The following ZRANB3 variants were observed in gnomAD, a reference collection of about 807,000 sequenced individuals.
ZRANB3 encodes zinc finger RANBP2-type containing 3, also known as DNA annealing helicase and endonuclease ZRANB3.
Under a neutral mutation model 133.8 loss-of-function variants are expected in ZRANB3, and 125 were observed. That is an observed-to-expected ratio of 0.93 (90% CI 0.81 to 1.08). ZRANB3 has a LOEUF of 1.08. ZRANB3 is among the 50% of genes least tolerant of loss of function. The probability of loss-of-function intolerance (pLI) is 0.00; values close to 1 mark genes in which losing one functional copy is unlikely to be tolerated. For synonymous variants in ZRANB3, 387 were observed against 432.7 expected, an observed-to-expected ratio of 0.89 and a Z score of 1.31; for missense variants, 1,229 against 1,275.5, an observed-to-expected ratio of 0.96 and a Z score of 0.56.
chr2:135,464,937 G>C (rs1451323275), intron 2 of ZRANB3, among the ~76,000 whole-genome samples: 1 of 152,206 alleles, frequency 6.6e-6, no homozygotes, highest in Non-Finnish European at 1.5e-5. Flanking sequence ...TTGTTAGTCT[G>C]GGCAGGCAGG....
intron 18 of ZRANB3, 89 bp downstream of exon 18, chr2:135,208,779 C>T: frequency 3.4e-6 from 4 of 1,189,728 alleles, no homozygotes; most frequent in Non-Finnish European, 4.8e-6. Flanking sequence ...AGTGGTCATG[C>T]AAAGGTGAGA....
At chr2:135,413,885 A>C (rs1688430015) in intron 2 of ZRANB3, among the ~76,000 whole-genome samples, 1 of 152,094 alleles carries the variant, frequency 6.6e-6, no homozygotes, top group African/African-American at 2.4e-5. Context: ...GAAATAAAAT[A>C]CTTTACAGAC....
intron 2 of ZRANB3, among the ~76,000 whole-genome samples, chr2:135,458,163 C>T (rs1690608688): frequency 6.6e-6 from 1 of 152,078 alleles, no homozygotes; most frequent in Admixed American, 6.5e-5. Context: ...GTTCTCTCCC[C>T]CAATGAGTAA....
intron 12 of ZRANB3, among the ~76,000 whole-genome samples, chr2:135,247,757 G>A (rs1200347815): frequency 6.6e-6 from 1 of 152,108 alleles, no homozygotes; most frequent in East Asian, 1.9e-4. Context: ...ACCTCCCTAG[G>A]AAAGGAGGTC....
intron 2 of ZRANB3, among the ~76,000 whole-genome samples, chr2:135,439,531 C>T (rs1689689403): frequency 6.6e-6 from 1 of 152,154 alleles, no homozygotes; most frequent in Non-Finnish European, 1.5e-5. Flanking sequence ...ACTTCCAGCA[C>T]CCTTCTACCT....
chr2:135,294,757 C>T (rs1320261754), intron 8 of ZRANB3, among the ~76,000 whole-genome samples: 1 of 152,104 alleles, frequency 6.6e-6, no homozygotes, highest in African/African-American at 2.4e-5. Flanking sequence ...TCCCTCTACA[C>T]ACTGCTTTGA....
chr2:135,416,512 T>C (rs1688580399), intron 2 of ZRANB3, among the ~76,000 whole-genome samples: 1 of 151,780 alleles, frequency 6.6e-6, no homozygotes. Context: ...AGAATCAATA[T>C]CGTGAAAATG....
chr2:135,207,808 G>A lies in ZRANB3; in HGVS notation c.2635C>T (p.Pro879Ser), dbSNP rs1453420609. 10 of 1,593,910 alleles carry A rather than the reference G, an allele frequency of 6.3e-6. No individual in the cohort carries two copies. The highest frequency in any genetic ancestry group is 1.3e-5 in the African/African-American group (1 of 74,494). ...TGGACTGTGTATGGATTTAGAAATG[G>A]GACACAGGCTCCATCTTCAAGAAGT... ...KKLLEDGACV[P>S]FLNPYTVQAD... is the part of the protein sequence containing the mutation. Residue 879 changes from proline (P) to serine (S), a missense_variant, in exon 19 of 21, where the codon CCA (proline) becomes TCA (serine). By Grantham distance (74) the Pro-to-Ser change is moderately conservative. Coordinates refer to ENST00000264159, the MANE Select transcript of ZRANB3 (RefSeq NM_032143.4).
At chr2:135,381,123 G>A (rs1686670985) in intron 3 of ZRANB3, among the ~76,000 whole-genome samples, 3 of 152,144 alleles carry the variant, frequency 2.0e-5, no homozygotes, top group Admixed American at 6.6e-5. Context: ...GGTACAAATG[G>A]CACCTGGAAA....
chr2:135,298,016 G>T (rs183089291), intron 8 of ZRANB3, among the ~76,000 whole-genome samples: 2 of 152,100 alleles, frequency 1.3e-5, no homozygotes. Flanking sequence ...ATAACCTGAC[G>T]TCAGGAGTTA....
chr2:135,405,916 G>A (rs1373824428), intron 2 of ZRANB3, among the ~76,000 whole-genome samples: 2 of 152,088 alleles, frequency 1.3e-5, no homozygotes, highest in Non-Finnish European at 2.9e-5. Flanking sequence ...AAGAAGTAGA[G>A]AAGCAAGAGC....
Position 135,200,241 on chromosome 2 carries a change from G to T in ZRANB3, c.*101C>A. On this transcript the variant is annotated 3_prime_UTR_variant, in exon 21 of 21. Transcript: ENST00000264159. ...AATTTGAATTCTTGATTTTTGTTCT[G>T]AAAATTTTTACTCTCGATATATTAA... The T allele has an allele frequency of 1.0e-6, 1 of 966,728 alleles. No individual in the cohort carries two copies. The highest frequency in any genetic ancestry group is 1.6e-6 in the Non-Finnish European group (1 of 643,390). The allele number at this position is 966,728 out of a possible 1,614,324, so 59.9% of individuals were successfully genotyped here.
At chr2:135,430,187 AAAAC>A (rs1689258185) in intron 2 of ZRANB3, among the ~76,000 whole-genome samples, 1 of 152,094 alleles carries the variant, frequency 6.6e-6, no homozygotes, top group African/African-American at 2.4e-5. Flanking sequence ...AAAAAAAACA[AAAAC>A]AAAAACAGAA....
At chr2:135,294,307 T>A in intron 8 of ZRANB3, among the ~76,000 whole-genome samples, 1 of 152,222 alleles carries the variant, frequency 6.6e-6, no homozygotes, top group Non-Finnish European at 1.5e-5. Flanking sequence ...TTCAACTTCT[T>A]CCTGGTTTAG....
At chr2:135,458,754 T>C (rs1426473355) in intron 2 of ZRANB3, among the ~76,000 whole-genome samples, 1 of 152,116 alleles carries the variant, frequency 6.6e-6, no homozygotes, top group African/African-American at 2.4e-5. Context: ...AATTCAATAG[T>C]ATCACTAATA....
intron 3 of ZRANB3, among the ~76,000 whole-genome samples, chr2:135,389,426 G>A (rs1011476594): frequency 1.3e-5 from 2 of 152,238 alleles, no homozygotes; most frequent in East Asian, 1.9e-4. Context: ...CAGACTACAG[G>A]CCAGGCACTG....
chr2:135,226,052 T>G (rs1396528691), intron 14 of ZRANB3, among the ~76,000 whole-genome samples: 1 of 152,194 alleles, frequency 6.6e-6, no homozygotes, highest in African/African-American at 2.4e-5. Context: ...ATCATTAAGG[T>G]ATTGTGTCAT....
intron 8 of ZRANB3, among the ~76,000 whole-genome samples, chr2:135,308,949 A>T (rs1682836933): frequency 6.6e-6 from 1 of 152,064 alleles, no homozygotes; most frequent in East Asian, 1.9e-4. Flanking sequence ...CTACATAAGA[A>T]AAGTCATCTA....
chr2:135,296,118 T>C (rs1049611558), intron 8 of ZRANB3, among the ~76,000 whole-genome samples: 1 of 152,232 alleles, frequency 6.6e-6, no homozygotes, highest in Admixed American at 6.5e-5. Context: ...AATTTGAATG[T>C]TGGCCTGCCT....
Sources: allele counts gnomAD v4.1 joint callset (sites outside exome capture counted in the v4.1 genomes callset), GRCh38; gene constraint gnomAD v4.1.1; transcripts MANE v1.5; gene names NCBI Gene and HGNC (gene_info 2026-07-23, HGNC 2026-07-21).